The following RBFOX1 variants were observed in gnomAD, a reference collection of about 807,000 sequenced individuals.
RBFOX1 encodes RNA binding fox-1 homolog 1.
RBFOX1 carries 8 observed loss-of-function variants against 57.7 expected under a neutral mutation model. The ratio of observed to expected loss-of-function variants is 0.14; its 90% CI spans 0.08 to 0.25. RBFOX1 has a LOEUF of 0.25. Ranked by LOEUF, RBFOX1 falls within the 10% of genes least tolerant of loss-of-function variation. The pLI is 1.00. For synonymous variants in RBFOX1, 326 were observed against 222.4 expected, an observed-to-expected ratio of 1.47 and a Z score of -4.15; for missense variants, 611 against 548.5, an observed-to-expected ratio of 1.11 and a Z score of -1.14.
intron 3 of RBFOX1, among the ~76,000 whole-genome samples, chr16:5,788,125 C>T (rs1280418911): frequency 6.6e-6 from 1 of 152,196 alleles, no homozygotes; most frequent in East Asian, 1.9e-4. Context: ...CTGCTGAAAA[C>T]ATCATACCTG....
chr16:7,407,948 A>C (rs1018899254), intron 4 of RBFOX1, among the ~76,000 whole-genome samples: 2 of 152,202 alleles, frequency 1.3e-5, no homozygotes, highest in Non-Finnish European at 2.9e-5. Context: ...TTGGGCCGCA[A>C]TGGCAGAATT....
chr16:5,271,721 G>A (rs1407600477), intron 1 of RBFOX1, among the ~76,000 whole-genome samples: 1 of 152,122 alleles, frequency 6.6e-6, no homozygotes, highest in African/African-American at 2.4e-5. Context: ...TGGAAACTTT[G>A]TACCCTTTGA....
intron 3 of RBFOX1, among the ~76,000 whole-genome samples, chr16:6,955,373 C>T (rs1201130587): frequency 2.0e-5 from 3 of 151,470 alleles, no homozygotes; most frequent in African/African-American, 4.9e-5. Context: ...CACACACACA[C>T]GTGCACATAC....
At chr16:6,634,343 G>C (rs986920290) in intron 2 of RBFOX1, among the ~76,000 whole-genome samples, 4 of 152,002 alleles carry the variant, frequency 2.6e-5, no homozygotes, top group Non-Finnish European at 4.4e-5. Flanking sequence ...TCATGTCCCA[G>C]ATCCAACAAC....
At chr16:7,613,202 G>A (rs950845024) in intron 10 of RBFOX1, among the ~76,000 whole-genome samples, 1 of 152,106 alleles carries the variant, frequency 6.6e-6, no homozygotes, top group South Asian at 2.1e-4. Context: ...AATTTGGGGG[G>A]AATAAAGAGA....
intron 1 of RBFOX1, among the ~76,000 whole-genome samples, chr16:6,185,823 G>A (rs556275341): frequency 2.0e-5 from 3 of 152,316 alleles, no homozygotes; most frequent in South Asian, 4.1e-4. Context: ...GAGCGTGAGA[G>A]TAGGAGACAG....
At chr16:6,620,347 G>A (rs939713171) in intron 2 of RBFOX1, among the ~76,000 whole-genome samples, 3 of 152,180 alleles carry the variant, frequency 2.0e-5, no homozygotes, top group Admixed American at 6.5e-5. Context: ...AGCTAAGGCA[G>A]TGTTAAGAGG....
chr16:6,396,203 G>A (rs1236767673), intron 2 of RBFOX1, among the ~76,000 whole-genome samples: 1 of 151,466 alleles, frequency 6.6e-6, no homozygotes, highest in African/African-American at 2.4e-5. Flanking sequence ...CCTTCTGTTT[G>A]ATGGTACTCC....
At chr16:7,548,993 A>C (rs1304209774) in intron 5 of RBFOX1, among the ~76,000 whole-genome samples, 2 of 152,230 alleles carry the variant, frequency 1.3e-5, no homozygotes, top group African/African-American at 4.8e-5. Flanking sequence ...CCGAAGAAAC[A>C]CATCAGAGTA....
chr16:5,469,404 A>G (rs148096726), intron 2 of RBFOX1, among the ~76,000 whole-genome samples: 80 of 152,296 alleles, frequency 5.3e-4, no homozygotes, highest in Admixed American at 4.0e-3. Context: ...AGTTTATAAC[A>G]TGCCAGGGAT....
At chr16:5,647,048 T>C (rs1218846920) in intron 3 of RBFOX1, among the ~76,000 whole-genome samples, 1 of 152,182 alleles carries the variant, frequency 6.6e-6, no homozygotes, top group Non-Finnish European at 1.5e-5. Flanking sequence ...AAATACACTA[T>C]AGGACCCTGT....
At chr16:5,245,082 C>T (rs1209576039) in intron 1 of RBFOX1, among the ~76,000 whole-genome samples, 2 of 152,136 alleles carry the variant, frequency 1.3e-5, no homozygotes, top group Admixed American at 6.5e-5. Flanking sequence ...TTCTTGTGGC[C>T]TCTGGAATGT....
At chr16:5,713,595 C>T (rs968541466) in intron 3 of RBFOX1, among the ~76,000 whole-genome samples, 10 of 152,112 alleles carry the variant, frequency 6.6e-5, no homozygotes, top group East Asian at 1.9e-4. Context: ...TGGAAATGCC[C>T]GGATCTTTGA....
At chr16:6,898,239 C>T (rs150177520) in intron 3 of RBFOX1, among the ~76,000 whole-genome samples, 3 of 152,256 alleles carry the variant, frequency 2.0e-5, no homozygotes, top group African/African-American at 7.2e-5. Context: ...TGGCATCAAG[C>T]TCTGACTCCA....
intron 4 of RBFOX1, among the ~76,000 whole-genome samples, chr16:7,479,163 G>A (rs944852420): frequency 1.3e-5 from 2 of 149,182 alleles, no homozygotes; most frequent in South Asian, 2.2e-4. Context: ...TCGGTCTGTT[G>A]CCTAGGCTGG....
chr16:5,248,360 T>C (rs1210063902), intron 1 of RBFOX1, among the ~76,000 whole-genome samples: 3 of 152,262 alleles, frequency 2.0e-5, no homozygotes, highest in Admixed American at 1.3e-4. Flanking sequence ...ACAGCCTTCC[T>C]TGCAGGCAAC....
chr16:6,910,402 C>G (rs1296272530), intron 3 of RBFOX1, among the ~76,000 whole-genome samples: 2 of 152,180 alleles, frequency 1.3e-5, no homozygotes, highest in Non-Finnish European at 2.9e-5. Flanking sequence ...AGAGCTTTAA[C>G]TTTATCTCAG....
chr16:7,002,471 T>C (rs2092909183), intron 3 of RBFOX1, among the ~76,000 whole-genome samples: 1 of 152,188 alleles, frequency 6.6e-6, no homozygotes, highest in East Asian at 1.9e-4. Context: ...TTCCAGCACT[T>C]GGGAAGCTGA....
intron 1 of RBFOX1, among the ~76,000 whole-genome samples, chr16:5,447,808 G>C (rs536295305): frequency 3.3e-5 from 5 of 152,210 alleles, no homozygotes; most frequent in African/African-American, 9.7e-5. Context: ...CCACTGCTCA[G>C]CCTCTTCTGT....
Sources: gnomAD v4.1 joint callset for allele counts (sites outside exome capture counted in the v4.1 genomes callset) on GRCh38, gnomAD v4.1.1 for gene constraint, MANE v1.5 for transcripts, NCBI Gene and HGNC (gene_info 2026-07-23, HGNC 2026-07-21) for gene names.